M6PR: variants seen among roughly 807,000 people sequenced by gnomAD.
The protein encoded by M6PR is cation-dependent mannose-6-phosphate receptor.
M6PR carries 19 observed loss-of-function variants against 33.1 expected under a neutral mutation model. The ratio of observed to expected loss-of-function variants is 0.57; its 90% CI spans 0.40 to 0.84. M6PR has a LOEUF of 0.84. Among genes scored for constraint, M6PR ranks in the 40% least tolerant of loss-of-function variants. The pLI is 0.00. For synonymous variants in M6PR, 111 were observed against 123.4 expected (o/e 0.90, Z 0.67); for missense variants, 295 against 336.0 (o/e 0.88, Z 0.95).
In M6PR at chr12:8,941,586, C is replaced by A; in HGVS notation, c.*232G>T. 1 of 465,770 alleles carries A rather than the reference C, an allele frequency of 2.1e-6. No homozygotes were observed. The highest frequency in any genetic ancestry group is 3.8e-6 in the Non-Finnish European group (1 of 263,434). 28.9% of individuals were successfully genotyped at this position (465,770 alleles called of 1,614,324 possible). On this transcript the variant is annotated 3_prime_UTR_variant, in exon 7 of 7. Transcript: ENST00000000412. ...TGCAAAAGCCTCTGTTTTCACAGGC[C>A]CTATTATATTAACTCTGACTTACAA...
chr12:8,944,102 G>T (rs1257165294), intron 3 of M6PR, among the ~76,000 whole-genome samples, 192 bp from the exon 4 acceptor site: 1 of 152,106 alleles, frequency 6.6e-6, no homozygotes, highest in East Asian at 1.9e-4. Flanking sequence ...GTTCCCTTAA[G>T]ACAAGAATCA....
chr12:8,946,229 C>G lies in M6PR; in HGVS notation c.176G>C (p.Ser59Thr), dbSNP rs1452286373. The G allele has an allele frequency of 6.2e-7, 1 of 1,612,446 alleles. No homozygotes were observed. The highest frequency in any genetic ancestry group is 8.5e-7 in the Non-Finnish European group (1 of 1,179,204). ...GCTCTTTAAGGTTCTTCTCATTTAC[C>G]TTTTATTAAACAGTGGTTTCAGCCT... ...VKRLKPLFNK[S>T]FESTVGQGSD... The change falls in exon 2 of 7, where the codon AGC becomes ACC. Residue 59 changes from serine to threonine, a missense_variant and splice_region_variant. Transcript: ENST00000000412.
chr12:8,946,349 A>G lies in M6PR; in HGVS notation c.56T>C (p.Val19Ala). Residue 19 changes from valine (V) to alanine (A), a missense_variant, in exon 2 of 7, where the codon GTG (valine) becomes GCG (alanine). By Grantham distance (64) the Val-to-Ala change is moderately conservative. Coordinates refer to ENST00000000412, the MANE Select transcript of M6PR (RefSeq NM_002355.4). ...TGTCTGCCAGGATTCTCTCACTGCC[A>G]CAGCCAGGAGTAGTAGTAGCAGTCC... ...RTGLLLLLLA[V>A]AVRESWQTEE... The G allele has an allele frequency of 6.2e-7, 1 of 1,614,132 alleles. No homozygotes were observed. Among genetic ancestry groups the G allele is most frequent in the Non-Finnish European group, 8.5e-7 (1 of 1,180,016 alleles).
intron 6 of M6PR, 178 bp from the exon 7 acceptor site, chr12:8,942,118 T>G: frequency 2.6e-6 from 2 of 766,690 alleles, no homozygotes; most frequent in Non-Finnish European, 4.1e-6. Flanking sequence ...AAAAAGTTTC[T>G]TCTTATTAGG....
chr12:8,947,430 C>T (rs1178906763), intron 1 of M6PR, among the ~76,000 whole-genome samples: 3 of 152,108 alleles, frequency 2.0e-5, no homozygotes, highest in East Asian at 1.9e-4. Context: ...CAAAAAATCC[C>T]GGGAAATTGT....
At chr12:8,945,345 A>G in intron 3 of M6PR, 73 bp downstream of exon 3, 1 of 1,529,714 alleles carries the variant, frequency 6.5e-7, no homozygotes, top group Non-Finnish European at 9.0e-7. Context: ...AACGGCCAAG[A>G]CATACAGGAT....
intron 1 of M6PR, chr12:8,946,802 C>T (rs764535472): frequency 6.3e-6 from 1 of 158,502 alleles, no homozygotes; most frequent in African/African-American, 2.4e-5. Context: ...CTAGACTTCC[C>T]ATAAGTACAG....
intron 3 of M6PR, 36 bp downstream of exon 3, chr12:8,945,381 GT>G: frequency 6.2e-7 from 1 of 1,604,584 alleles, no homozygotes; most frequent in East Asian, 2.2e-5. Flanking sequence ...CTTGGGATCA[GT>G]TAGTCAATCG....
chr12:8,946,475 G>A lies in M6PR; in HGVS notation c.-1-70C>T, dbSNP rs1449320632. On this transcript the variant is annotated intron_variant, in intron 1 of 6. Coordinates refer to ENST00000000412, the MANE Select transcript of M6PR (RefSeq NM_002355.4). Reference sequence around the variant, plus strand: ...GAGAGAGGAAAGAGATAAAGCGTATGAATGTGTAATAAATCGATGGTATTT... The same window carrying A: ...GAGAGAGGAAAGAGATAAAGCGTATAAATGTGTAATAAATCGATGGTATTT... 5.8e-6 allele frequency: 7 copies of A among 1,208,090 alleles called. No homozygotes were observed. In the East Asian group the frequency reaches 1.6e-4, roughly 28 times the overall value. 74.8% of individuals were successfully genotyped at this position (1,208,090 alleles called of 1,614,324 possible).
At chr12:8,943,218 C>T (rs903875856) in intron 5 of M6PR, 187 bp downstream of exon 5, 4 of 712,426 alleles carry the variant, frequency 5.6e-6, no homozygotes, top group African/African-American at 1.8e-5. Context: ...TCCCAAAGTG[C>T]TGGGATTACA....
Position 8,946,408 on chromosome 12 carries a change from T to A in M6PR, c.-1-3A>T. On this transcript the variant is annotated splice_region_variant and splice_polypyrimidine_tract_variant and intron_variant, in intron 1 of 6. Coordinates refer to ENST00000000412, the MANE Select transcript of M6PR (RefSeq NM_002355.4). ...AGCAGCTGTAGAAAGGGAACATCCTTTGGGAGAGAGTGTGTGTTGGGGAGG... is the reference window on the plus strand; with the variant it reads ...AGCAGCTGTAGAAAGGGAACATCCTATGGGAGAGAGTGTGTGTTGGGGAGG... The A allele has an allele frequency of 6.2e-7, 1 of 1,604,814 alleles. No individual in the cohort carries two copies. The highest frequency in any genetic ancestry group is 8.5e-7 in the Non-Finnish European group (1 of 1,173,422).
intron 6 of M6PR, chr12:8,942,188 C>G (rs1038435188): frequency 1.2e-4 from 83 of 680,728 alleles, no homozygotes; most frequent in Non-Finnish European, 1.7e-4. Flanking sequence ...AAGAGCCCAT[C>G]TGGTCAACAG....
At chr12:8,944,913 C>A (rs921618681) in intron 3 of M6PR, among the ~76,000 whole-genome samples, 3 of 152,152 alleles carry the variant, frequency 2.0e-5, no homozygotes, top group Non-Finnish European at 4.4e-5. Context: ...GTAATCCCAG[C>A]ACCTTGGGAG....
At chr12:8,948,175 T>A (rs1259390966) in intron 1 of M6PR, among the ~76,000 whole-genome samples, 1 of 152,224 alleles carries the variant, frequency 6.6e-6, no homozygotes, top group African/African-American at 2.4e-5. Flanking sequence ...TATCTTTCAT[T>A]TGCTTATTAT....
chr12:8,942,196 C>A, intron 6 of M6PR: 1 of 685,908 alleles, frequency 1.5e-6, no homozygotes, highest in African/African-American at 1.8e-5. Context: ...ATCTGGTCAA[C>A]AGTGTTGCTC....
chr12:8,943,398 T>C lies in M6PR; in HGVS notation c.584+7A>G. ...AGGTCTGTTCTGATAAAGGAAGGCA[T>C]ACTCACGTGACAAGTAAGATGGAAC... On this transcript the variant is annotated splice_region_variant and intron_variant, in intron 5 of 6. Coordinates refer to ENST00000000412, the MANE Select transcript of M6PR (RefSeq NM_002355.4). 4.3e-6 allele frequency: 7 copies of C among 1,614,138 alleles called. No homozygotes were observed. The highest frequency in any genetic ancestry group is 5.1e-6 in the Non-Finnish European group (6 of 1,179,974).
Position 8,946,314 on chromosome 12 carries a change from T to C in M6PR, c.91A>G (p.Thr31Ala), listed in dbSNP as rs1396355635. The change falls in exon 2 of 7, where the codon ACT (threonine) becomes GCT (alanine). Residue 31 changes from threonine to alanine, a missense_variant. By Grantham distance (58) the Thr-to-Ala change is moderately conservative. Transcript: ENST00000000412. ...VRESWQTEEKTCDLVGEKGKE... is the reference protein window; with the variant it reads ...VRESWQTEEKACDLVGEKGKE... ...CCCTTTTCTCCTACCAAGTCGCAAG[T>C]TTTTTCTTCTGTCTGCCAGGATTCT... The C allele has an allele frequency of 1.9e-6, 3 of 1,614,040 alleles. No homozygotes were observed. Among genetic ancestry groups the C allele is most frequent in the African/African-American group, 2.7e-5 (2 of 74,918 alleles).
intron 1 of M6PR, among the ~76,000 whole-genome samples, chr12:8,948,264 C>G (rs946574848): frequency 6.6e-6 from 1 of 152,192 alleles, no homozygotes; most frequent in Non-Finnish European, 1.5e-5. Context: ...AGCTGCTTCT[C>G]TTTAATTCAG....
Position 8,943,892 on chromosome 12 carries a change from A to T in M6PR, c.362T>A (p.Ile121Asn). ...GTCATATTCATCACCCCCTTTATAG[A>T]TCAGCATGATCCAATTACCTGAGGA... ...IFNGSNWIMLIYKGGDEYDNH... is the reference protein window; with the variant it reads ...IFNGSNWIMLNYKGGDEYDNH... The change falls in exon 4 of 7, where the codon ATC (isoleucine) becomes AAC (asparagine). Residue 121 changes from isoleucine (I) to asparagine (N), a missense_variant. Coordinates refer to ENST00000000412, the MANE Select transcript of M6PR (RefSeq NM_002355.4). 1 of 1,613,390 alleles carries T rather than the reference A, an allele frequency of 6.2e-7. No individual in the cohort carries two copies. Among genetic ancestry groups the T allele is most frequent in the Non-Finnish European group, 8.5e-7 (1 of 1,179,528 alleles).
Sources: gnomAD v4.1 joint callset for allele counts (sites outside exome capture counted in the v4.1 genomes callset) on GRCh38, gnomAD v4.1.1 for gene constraint, MANE v1.5 for transcripts, NCBI Gene and HGNC (gene_info 2026-07-23, HGNC 2026-07-21) for gene names.